LRRC63: variants seen among roughly 807,000 people sequenced by gnomAD.
The protein encoded by LRRC63 is leucine rich repeat containing 63, also known as leucine-rich repeat-containing protein 63.
Under a neutral mutation model 49.5 loss-of-function variants are expected in LRRC63, and 40 were observed. The ratio of observed to expected loss-of-function variants is 0.81; its 90% CI spans 0.63 to 1.05. LRRC63 has a LOEUF of 1.05. LRRC63 is among the 50% of genes least tolerant of loss of function. LRRC63 has a pLI of 0.00. For synonymous variants in LRRC63, 191 were observed against 221.1 expected (o/e 0.86, Z 1.21); for missense variants, 636 against 663.1 (o/e 0.96, Z 0.45).
Position 46,238,392 on chromosome 13 carries a change from G to A in LRRC63, c.990+4043G>A, listed in dbSNP as rs144800712. Among the ~76,000 whole-genome samples the A allele has an allele frequency of 1.2e-3, 184 of 152,068 alleles. 1 individual carries two copies. The highest frequency in any genetic ancestry group is 4.2e-3 in the African/African-American group (176 of 41,450). On this transcript the variant is annotated intron_variant, in intron 5 of 9. Coordinates refer to ENST00000595396, the Ensembl canonical transcript of LRRC63. ...AACCATGTAATCGAACACAAAACAA[G>A]TCTCAGCAAATGCAAAGTAATTGTA...
chr13:46,264,865 A>G (rs1393034122), intron 8 of LRRC63, among the ~76,000 whole-genome samples: 1 of 152,086 alleles, frequency 6.6e-6, no homozygotes, highest in Admixed American at 6.5e-5. Flanking sequence ...AGCTTTAAGG[A>G]TGGCTTAGCA....
chr13:46,214,831 C>G (rs960016661), intron 2 of LRRC63, among the ~76,000 whole-genome samples: 1 of 152,166 alleles, frequency 6.6e-6, no homozygotes, highest in Non-Finnish European at 1.5e-5. Context: ...TCTCAGTATT[C>G]AACTCCCACT....
At chr13:46,234,278 A>G in exon 5 of LRRC63, 1 of 1,550,326 alleles carries the variant, frequency 6.5e-7, no homozygotes, top group South Asian at 1.2e-5. Context: ...ACGATATGAA[A>G]CAATAACAGC....
chr13:46,234,068 A>T, intron 4 of LRRC63, 124 bp from the exon 5 acceptor site: 1 of 834,050 alleles, frequency 1.2e-6, no homozygotes, highest in Non-Finnish European at 1.8e-6. Context: ...AATCCCTGCC[A>T]GAGGATGTGT....
rs552602051 is a variant in LRRC63 at position 46,276,007 on chromosome 13, A to G, written c.1551-583A>G. On this transcript the variant is annotated intron_variant, in intron 9 of 9. Coordinates refer to ENST00000595396, the Ensembl canonical transcript of LRRC63. ...TTGCTATTTTGTTTTGTATTCCCCG[A>G]TTACTAGGGAGATTGAAAAGCTTTA... 1.3e-3 allele frequency among the ~76,000 whole-genome samples: 193 copies of G among 152,184 alleles called. 1 individual carries two copies. Among genetic ancestry groups the G allele is most frequent in the Non-Finnish European group, 2.0e-3 (134 of 67,982 alleles).
At chr13:46,220,674 G>A (rs1594007667) in intron 2 of LRRC63, among the ~76,000 whole-genome samples, 3 of 151,246 alleles carry the variant, frequency 2.0e-5, no homozygotes, top group African/African-American at 7.3e-5. Context: ...AACTCCAGCA[G>A]CTAGCTCGAT....
chr13:46,258,124 CTT>C (rs61630248), intron 7 of LRRC63, among the ~76,000 whole-genome samples: 5,024 of 100,530 alleles, frequency 0.05, 68 homozygotes, highest in Middle Eastern at 0.13. Context: ...GTGACCTACT[CTT>C]TTTTTTTTTT....
intron 2 of LRRC63, among the ~76,000 whole-genome samples, chr13:46,224,886 G>A (rs1485522327): frequency 1.1e-4 from 16 of 152,220 alleles, no homozygotes; most frequent in Non-Finnish European, 5.9e-5. Flanking sequence ...GCAATTATTA[G>A]TGAAGGCTGT....
intron 1 of LRRC63, 143 bp from the exon 2 acceptor site, chr13:46,212,859 C>T: frequency 2.0e-6 from 1 of 501,448 alleles, no homozygotes; most frequent in Non-Finnish European, 3.5e-6. Flanking sequence ...TTCTTACCCT[C>T]TTTTTTTTTC....
chr13:46,221,504 A>T (rs1251961958), intron 2 of LRRC63, among the ~76,000 whole-genome samples: 3 of 152,242 alleles, frequency 2.0e-5, no homozygotes, highest in Non-Finnish European at 2.9e-5. Flanking sequence ...TGGTATGACA[A>T]TATCAGAAAA....
intron 7 of LRRC63, among the ~76,000 whole-genome samples, chr13:46,259,032 C>T (rs1926006): frequency 0.53 from 79,870 of 151,632 alleles, 23,830 homozygotes; most frequent in African/African-American, 0.82. Context: ...CCTACATTTT[C>T]GTTCCTAAGG....
chr13:46,232,863 GA>G (rs1245960990), intron 4 of LRRC63, among the ~76,000 whole-genome samples: 1 of 152,128 alleles, frequency 6.6e-6, no homozygotes, highest in Non-Finnish European at 1.5e-5. Context: ...CTATGTCCAA[GA>G]AAACAAAGAG....
intron 2 of LRRC63, among the ~76,000 whole-genome samples, chr13:46,215,858 A>G (rs1242861826): frequency 6.6e-6 from 1 of 152,176 alleles, no homozygotes; most frequent in African/African-American, 2.4e-5. Context: ...TCCGAGCACC[A>G]TTTACTGAAC....
intron 2 of LRRC63, among the ~76,000 whole-genome samples, chr13:46,225,526 C>A (rs959032618): frequency 6.6e-5 from 10 of 152,232 alleles, no homozygotes; most frequent in Middle Eastern, 3.4e-3. Context: ...TCCAGTTTGC[C>A]ATTAAAGGGA....
At chr13:46,255,262 G>A (rs988912318) in intron 7 of LRRC63, among the ~76,000 whole-genome samples, 1 of 152,086 alleles carries the variant, frequency 6.6e-6, no homozygotes, top group Non-Finnish European at 1.5e-5. Flanking sequence ...GGGGGCTCAG[G>A]TATAGCAGAG....
intron 8 of LRRC63, among the ~76,000 whole-genome samples, chr13:46,262,926 C>T (rs1201160964): frequency 1.3e-5 from 2 of 152,196 alleles, no homozygotes; most frequent in East Asian, 1.9e-4. Flanking sequence ...TTCCTAGGAA[C>T]GTAATCTTCC....
chr13:46,254,176 A>G (rs1382599892), intron 7 of LRRC63, among the ~76,000 whole-genome samples: 1 of 152,180 alleles, frequency 6.6e-6, no homozygotes, highest in Admixed American at 6.6e-5. Flanking sequence ...GTGGGTTGTG[A>G]TGGAATGGGA....
intron 9 of LRRC63, 33 bp downstream of exon 9, chr13:46,267,005 T>C: frequency 6.7e-7 from 1 of 1,490,924 alleles, no homozygotes; most frequent in Non-Finnish European, 8.9e-7. Flanking sequence ...TTAACCAAAA[T>C]ATACCTTTAA....
intron 9 of LRRC63, among the ~76,000 whole-genome samples, chr13:46,273,395 G>T (rs995836273): frequency 1.3e-5 from 2 of 152,124 alleles, no homozygotes; most frequent in African/African-American, 4.8e-5. Flanking sequence ...GAGGTCAGGA[G>T]ATCGAGACAA....
Sources: allele counts gnomAD v4.1 joint callset (sites outside exome capture counted in the v4.1 genomes callset), GRCh38; gene constraint gnomAD v4.1.1; transcripts MANE v1.5; gene names NCBI Gene and HGNC (gene_info 2026-07-23, HGNC 2026-07-21).